ANKFN1: variants seen among roughly 807,000 people sequenced by gnomAD.
The protein encoded by ANKFN1 is ankyrin repeat and fibronectin type-III domain-containing protein 1.
Under a neutral mutation model 108.7 loss-of-function variants are expected in ANKFN1, and 74 were observed. The ratio of observed to expected loss-of-function variants is 0.68; its 90% CI spans 0.56 to 0.83. The LOEUF is 0.83. ANKFN1 is among the 40% of genes least tolerant of loss of function. The pLI is 0.00. For missense variants in ANKFN1, 1,505 were observed against 1,382.3 expected, an observed-to-expected ratio of 1.09 and a Z score of -1.41; for synonymous variants, 547 against 516.2, an observed-to-expected ratio of 1.06 and a Z score of -0.81.
chr17:56,361,141 ATGT>A (rs959467970), intron 6 of ANKFN1, among the ~76,000 whole-genome samples: 2 of 152,136 alleles, frequency 1.3e-5, no homozygotes, highest in African/African-American at 4.8e-5. Context: ...AGGTTCATCC[ATGT>A]TGTTTTATAG....
intron 8 of ANKFN1, among the ~76,000 whole-genome samples, chr17:56,401,357 T>C (rs975045306): frequency 2.4e-4 from 20 of 83,160 alleles, no homozygotes; most frequent in African/African-American, 7.2e-5. Flanking sequence ...TATTGTATTG[T>C]ATTGTATTGT....
chr17:56,088,130 T>A (rs1598092170), intron 4 of ANKFN1, among the ~76,000 whole-genome samples: 2 of 151,302 alleles, frequency 1.3e-5, no homozygotes, highest in African/African-American at 4.9e-5. Context: ...AGGTCCACTT[T>A]TATAATTTTC....
At chr17:56,212,980 A>G (rs1004048414) in intron 2 of ANKFN1, among the ~76,000 whole-genome samples, 1 of 152,224 alleles carries the variant, frequency 6.6e-6, no homozygotes, top group Non-Finnish European at 1.5e-5. Context: ...TAGCTGTACC[A>G]AGAGCAGCAG....
intron 6 of ANKFN1, among the ~76,000 whole-genome samples, chr17:56,363,023 A>G (rs1183258878): frequency 6.6e-6 from 1 of 152,158 alleles, no homozygotes; most frequent in Non-Finnish European, 1.5e-5. Context: ...ATCCTGGCCA[A>G]CATGGTGAAA....
At chr17:56,137,888 A>C (rs1907687036) in intron 4 of ANKFN1, among the ~76,000 whole-genome samples, 1 of 152,216 alleles carries the variant, frequency 6.6e-6, no homozygotes, top group South Asian at 2.1e-4. Flanking sequence ...TTGAAACTAG[A>C]ATATCTCACA....
At position 56,510,713 on chromosome 17, in the gene ANKFN1, C is replaced by T; in HGVS notation, c.2885C>T (p.Pro962Leu). 1 of 1,536,154 alleles carries T rather than the reference C, an allele frequency of 6.5e-7. No homozygotes were observed. Among genetic ancestry groups the T allele is most frequent in the Non-Finnish European group, 8.7e-7 (1 of 1,146,912 alleles). ...GQDPQGEGPN[P>L]DHSCAEFLHS... ...GATCCCCAGGGCGAGGGCCCAAATCCCGATCACTCATGTGCCGAGTTTCTC... is the reference window on the plus strand; with the variant it reads ...GATCCCCAGGGCGAGGGCCCAAATCTCGATCACTCATGTGCCGAGTTTCTC... The change falls in exon 21 of 21, where the codon CCC (proline) becomes CTC (leucine). Residue 962 changes from proline to leucine, a missense_variant. Physicochemically the swap from Pro to Leu is moderately conservative, Grantham distance 98. Coordinates refer to ENST00000682825, the MANE Select transcript of ANKFN1 (RefSeq NM_001370326.1).
intron 4 of ANKFN1, among the ~76,000 whole-genome samples, chr17:56,333,652 C>A (rs2045726928): frequency 6.6e-6 from 1 of 151,776 alleles, no homozygotes; most frequent in Non-Finnish European, 1.5e-5. Flanking sequence ...TCATGTCTTG[C>A]CTTTTTCCTG....
chr17:56,105,711 C>CTGTG (rs147924842), intron 4 of ANKFN1, among the ~76,000 whole-genome samples: 7,710 of 144,426 alleles, frequency 0.053, 240 homozygotes, highest in African/African-American at 0.073. Context: ...GTTTTTTTGT[C>CTGTG]TGTGTGTGTG....
intron 14 of ANKFN1, among the ~76,000 whole-genome samples, chr17:56,461,635 C>T (rs144958750): frequency 1.5e-4 from 23 of 152,268 alleles, no homozygotes; most frequent in African/African-American, 5.5e-4. Flanking sequence ...ACCTTGTATT[C>T]TTCATTCAGG....
intron 10 of ANKFN1, among the ~76,000 whole-genome samples, chr17:56,446,206 T>C (rs1318645500): frequency 1.3e-5 from 2 of 152,178 alleles, no homozygotes; most frequent in African/African-American, 4.8e-5. Flanking sequence ...GACAGGCCTA[T>C]TTCAGCTCTC....
intron 3 of ANKFN1, chr17:56,323,322 A>G (rs2045421878): frequency 6.6e-6 from 1 of 152,620 alleles, no homozygotes. Flanking sequence ...AATCTCACTT[A>G]TACTTCTCTC....
At chr17:56,140,777 C>A (rs1907872834) in intron 4 of ANKFN1, among the ~76,000 whole-genome samples, 1 of 152,124 alleles carries the variant, frequency 6.6e-6, no homozygotes, top group African/African-American at 2.4e-5. Context: ...TGTGTATGTT[C>A]CCTAAGTATG....
intron 2 of ANKFN1, among the ~76,000 whole-genome samples, chr17:56,213,096 A>T (rs1380390975): frequency 2.6e-5 from 4 of 152,198 alleles, no homozygotes; most frequent in Non-Finnish European, 4.4e-5. Flanking sequence ...GTATCAAAGT[A>T]TCAACTTTAT....
At chr17:56,394,709 T>G (rs980369871) in intron 8 of ANKFN1, among the ~76,000 whole-genome samples, 6 of 152,120 alleles carry the variant, frequency 3.9e-5, no homozygotes, top group Non-Finnish European at 8.8e-5. Context: ...TCAAGGCACA[T>G]GCAGACTCAA....
intron 4 of ANKFN1, among the ~76,000 whole-genome samples, chr17:56,047,808 T>C (rs1904705472): frequency 6.6e-6 from 1 of 152,174 alleles, no homozygotes; most frequent in East Asian, 1.9e-4. Flanking sequence ...GACCCTTCCA[T>C]GACACAGTGG....
chr17:56,489,929 ATAT>A (rs1199206338), intron 18 of ANKFN1, among the ~76,000 whole-genome samples: 1 of 152,152 alleles, frequency 6.6e-6, no homozygotes, highest in Non-Finnish European at 1.5e-5. Flanking sequence ...CTGCCAGGAA[ATAT>A]TATAGACCTG....
intron 3 of ANKFN1, among the ~76,000 whole-genome samples, chr17:56,295,664 A>G (rs1026434216): frequency 6.6e-6 from 1 of 152,202 alleles, no homozygotes; most frequent in Non-Finnish European, 1.5e-5. Context: ...TTGTGCTGCT[A>G]TAACAGAATA....
intron 3 of ANKFN1, among the ~76,000 whole-genome samples, chr17:56,252,003 G>A (rs17819991): frequency 0.13 from 19,554 of 152,202 alleles, 1,373 homozygotes; most frequent in East Asian, 0.22. Flanking sequence ...AAGGTGCCAA[G>A]CTGGCTCAAG....
rs1322720501 is a variant in ANKFN1 at position 56,350,819 on chromosome 17, C to CA, written c.249dup (p.His84ThrfsTer2). 8 of 1,613,538 alleles carry CA rather than the reference C, an allele frequency of 5.0e-6. No individual in the cohort carries two copies. The highest frequency in any genetic ancestry group is 1.7e-5 in the Admixed American group (1 of 59,940). ...ATGCAAAATTTACATCTCTGTCAGT[C>CA]AAAAAAACATAGTGCTCCCTCATCT... On this transcript the variant is annotated frameshift_variant, in exon 5 of 21. Coordinates refer to ENST00000682825, the MANE Select transcript of ANKFN1 (RefSeq NM_001370326.1). LOFTEE classifies it high-confidence loss of function.
Sources: allele counts gnomAD v4.1 joint callset (sites outside exome capture counted in the v4.1 genomes callset), GRCh38; gene constraint gnomAD v4.1.1; transcripts MANE v1.5; gene names NCBI Gene and HGNC (gene_info 2026-07-23, HGNC 2026-07-21).